C1QTNF7: variants seen among roughly 807,000 people sequenced by gnomAD.
C1QTNF7 encodes complement C1q tumor necrosis factor-related protein 7.
In C1QTNF7, 15 loss-of-function variants were observed where a neutral mutation model predicts 19.6. The ratio of observed to expected loss-of-function variants is 0.76; its 90% CI spans 0.51 to 1.18. C1QTNF7 has a LOEUF of 1.18. C1QTNF7 is among the 50% of genes most tolerant of loss of function. The pLI, the probability that C1QTNF7 is intolerant of heterozygous loss-of-function variation, is 0.00. For missense variants in C1QTNF7, 324 were observed against 359.7 expected (o/e 0.90, Z 0.80); for synonymous variants, 142 against 137.5 (o/e 1.03, Z -0.23).
At chr4:15,368,739 C>T (rs1017331874) in intron 1 of C1QTNF7, among the ~76,000 whole-genome samples, 35 of 152,222 alleles carry the variant, frequency 2.3e-4, no homozygotes, top group African/African-American at 7.5e-4. Context: ...TGAATAGTGC[C>T]GCAATAAACA....
intron 1 of C1QTNF7, among the ~76,000 whole-genome samples, chr4:15,359,654 TAAGA>T (rs1232457837): frequency 1.3e-5 from 2 of 152,100 alleles, no homozygotes; most frequent in Non-Finnish European, 2.9e-5. Flanking sequence ...AATGATAATA[TAAGA>T]AATAGGACTA....
upstream of C1QTNF7, among the ~76,000 whole-genome samples, chr4:15,423,129 C>G (rs1255829443): frequency 6.6e-6 from 1 of 152,210 alleles, no homozygotes; most frequent in Non-Finnish European, 1.5e-5. Flanking sequence ...TTTGGCCACC[C>G]TGCAGGGACC....
chr4:15,386,344 A>G (rs1456090026), intron 1 of C1QTNF7, among the ~76,000 whole-genome samples: 1 of 152,222 alleles, frequency 6.6e-6, no homozygotes. Flanking sequence ...TTATTTGTCA[A>G]CATTTATGGC....
intron 1 of C1QTNF7, among the ~76,000 whole-genome samples, chr4:15,402,855 T>A (rs1719047102): frequency 6.6e-6 from 1 of 152,212 alleles, no homozygotes; most frequent in African/African-American, 2.4e-5. Context: ...TATGAACTTA[T>A]TTTTGTAAAA....
At chr4:15,353,664 A>C (rs1717013867) in intron 1 of C1QTNF7, among the ~76,000 whole-genome samples, 1 of 152,074 alleles carries the variant, frequency 6.6e-6, no homozygotes, top group African/African-American at 2.4e-5. Context: ...CTGGGTCCTA[A>C]CCAGGGAGCG....
In C1QTNF7 at chr4:15,402,171, C is replaced by G. The variant is rs535707686; in HGVS notation, c.14-33565C>G. ...ATCACAAGCGGAGCCTGGCAGGTTA[C>G]TTTAGTCTCCACCACAATCCTCAAC... On this transcript the variant is annotated intron_variant, in intron 1 of 2. Coordinates refer to the C1QTNF7 transcript ENST00000295297. Among the ~76,000 whole-genome samples, 336 of 152,288 alleles carry G rather than the reference C, an allele frequency of 2.2e-3. 1 individual carries two copies. The highest frequency in any genetic ancestry group is 7.9e-3 in the African/African-American group (328 of 41,552).
chr4:15,408,234 T>C (rs1719267117), intron 1 of C1QTNF7, among the ~76,000 whole-genome samples: 1 of 133,896 alleles, frequency 7.5e-6, no homozygotes. Flanking sequence ...ATTGCGTCAC[T>C]GCACTCCAGC....
At chr4:15,406,225 G>T (rs866130371) in intron 1 of C1QTNF7, among the ~76,000 whole-genome samples, 2 of 151,812 alleles carry the variant, frequency 1.3e-5, no homozygotes, top group African/African-American at 2.4e-5. Flanking sequence ...CAGTTTCCCC[G>T]CCAGGATCCA....
intron 1 of C1QTNF7, among the ~76,000 whole-genome samples, chr4:15,373,413 AT>A (rs1433662331): frequency 6.6e-6 from 1 of 152,224 alleles, no homozygotes; most frequent in Non-Finnish European, 1.5e-5. Context: ...CAACGTATGA[AT>A]TTGTGGGGAA....
chr4:15,429,396 C>T (rs1192931407), intron 1 of C1QTNF7, among the ~76,000 whole-genome samples: 1 of 152,218 alleles, frequency 6.6e-6, no homozygotes, highest in Non-Finnish European at 1.5e-5. Flanking sequence ...CCATTCCCCT[C>T]TTCCCTTCCT....
chr4:15,380,694 G>A (rs13149164), intron 1 of C1QTNF7, among the ~76,000 whole-genome samples: 4,608 of 152,282 alleles, frequency 0.03, 119 homozygotes, highest in Non-Finnish European at 0.048. Flanking sequence ...CAGCACTTTG[G>A]GAGGCCAAGA....
chr4:15,433,791 C>T (rs1380396846), intron 1 of C1QTNF7, among the ~76,000 whole-genome samples: 2 of 152,150 alleles, frequency 1.3e-5, no homozygotes, highest in Admixed American at 1.3e-4. Context: ...AAAGGTGGCC[C>T]CCTGAGGAAG....
At chr4:15,386,474 A>G (rs1466719446) in intron 1 of C1QTNF7, among the ~76,000 whole-genome samples, 2 of 152,122 alleles carry the variant, frequency 1.3e-5, no homozygotes, top group East Asian at 3.9e-4. Flanking sequence ...CGTGGAGCTT[A>G]TATTTTATGG....
intron 1 of C1QTNF7, among the ~76,000 whole-genome samples, chr4:15,395,135 C>T (rs10002931): frequency 0.36 from 54,577 of 152,020 alleles, 10,087 homozygotes; most frequent in East Asian, 0.55. Context: ...AGAGCCTTCA[C>T]TGTGTTTTCC....
At chr4:15,421,526 C>T (rs568250451) in intron 1 of C1QTNF7, among the ~76,000 whole-genome samples, 1 of 151,718 alleles carries the variant, frequency 6.6e-6, no homozygotes, top group Non-Finnish European at 1.5e-5. Context: ...AAGTGCCAGG[C>T]AACAGGGACT....
At chr4:15,369,406 T>C (rs894008481) in intron 1 of C1QTNF7, among the ~76,000 whole-genome samples, 9 of 152,356 alleles carry the variant, frequency 5.9e-5, no homozygotes, top group Admixed American at 2.0e-4. Context: ...CTATAAACTC[T>C]GTTAAACATA....
At chr4:15,435,381 C>A (rs1159826637) in intron 1 of C1QTNF7, among the ~76,000 whole-genome samples, 1 of 151,994 alleles carries the variant, frequency 6.6e-6, no homozygotes, top group Non-Finnish European at 1.5e-5. Context: ...TTTTCATTTC[C>A]AGGTCTAAAT....
At chr4:15,386,612 A>G (rs1236368399) in intron 1 of C1QTNF7, among the ~76,000 whole-genome samples, 1 of 152,240 alleles carries the variant, frequency 6.6e-6, no homozygotes, top group Admixed American at 6.5e-5. Context: ...AGAGTGGTCA[A>G]AAGAGGCTTC....
At chr4:15,350,654 A>T (rs1055267784) in intron 1 of C1QTNF7, among the ~76,000 whole-genome samples, 9 of 152,184 alleles carry the variant, frequency 5.9e-5, no homozygotes, top group Non-Finnish European at 8.8e-5. Flanking sequence ...TTGGTTAATG[A>T]CTAAGACTGC....
Sources: allele counts gnomAD v4.1 joint callset (sites outside exome capture counted in the v4.1 genomes callset), GRCh38; gene constraint gnomAD v4.1.1; transcripts MANE v1.5; gene names NCBI Gene and HGNC (gene_info 2026-07-23, HGNC 2026-07-21).